POU2F2: variants seen among roughly 807,000 people sequenced by gnomAD.
POU2F2 encodes POU class 2 homeobox 2, also known as POU domain, class 2, transcription factor 2.
POU2F2 carries 14 observed loss-of-function variants against 63.5 expected under a neutral mutation model. The ratio of observed to expected loss-of-function variants is 0.22; its 90% CI spans 0.15 to 0.34. The LOEUF (loss-of-function observed/expected upper bound fraction) is 0.34, where lower values mean the gene tolerates loss of function less well. Among genes scored for constraint, POU2F2 ranks in the 10% least tolerant of loss-of-function variants. POU2F2 has a pLI of 1.00. For synonymous variants in POU2F2, 306 were observed against 348.6 expected (o/e 0.88, Z 1.36); for missense variants, 607 against 815.2 (o/e 0.74, Z 3.11).
chr19:42,143,000 C>A (rs575076058), intron 2 of POU2F2, among the ~76,000 whole-genome samples: 3 of 152,140 alleles, frequency 2.0e-5, no homozygotes, highest in Non-Finnish European at 4.4e-5. Flanking sequence ...AAGGGACACA[C>A]GGGGTGGGGC....
At chr19:42,150,943 G>A (rs1413659902) in intron 2 of POU2F2, among the ~76,000 whole-genome samples, 1 of 152,048 alleles carries the variant, frequency 6.6e-6, no homozygotes, top group Non-Finnish European at 1.5e-5. Context: ...GTCCTCTGTG[G>A]ATGCCCATCT....
chr19:42,095,687 A>G lies in POU2F2; in HGVS notation c.878T>C (p.Met293Thr). The G allele has an allele frequency of 1.2e-6, 2 of 1,611,892 alleles. No individual in the cohort carries two copies. The highest frequency in any genetic ancestry group is 1.7e-6 in the Non-Finnish European group (2 of 1,179,816). Residue 293 changes from methionine to threonine, a missense_variant, in exon 10 of 15, where the codon ATG (methionine) becomes ACG (threonine). Around this residue, in one of 7 missense-constraint regions of POU2F2, gnomAD observed 39 missense variants for 36.3 expected, o/e 1.07. Transcript: ENST00000692977. The surrounding 1 kb of genome is among the most constrained non-coding windows in gnomAD (Gnocchi z 7.1). ...GCTGGGCAGGCTTGAGTCCACAGAC[A>G]TAGTCTCTGTGCGCCGGGGGAGACG... is the stretch of plus-strand genomic sequence containing the variant. The part of the protein sequence containing the change: ...LEKWLNDAET[M>T]SVDSSLPSPN...
intron 1 of POU2F2, among the ~76,000 whole-genome samples, chr19:42,125,361 CAAA>C (rs397956774): frequency 2.1e-4 from 2 of 9,312 alleles, no homozygotes; most frequent in Non-Finnish European, 2.3e-4. Flanking sequence ...GACTCTGTCT[CAAA>C]AAAAAAAAAA....
chr19:42,112,959 C>T (rs748548340), intron 5 of POU2F2, among the ~76,000 whole-genome samples: 1 of 152,178 alleles, frequency 6.6e-6, no homozygotes, highest in Non-Finnish European at 1.5e-5. Context: ...GAAGCCCCTT[C>T]CCAGCAAACT....
chr19:42,106,609 C>T (rs2030058390), intron 5 of POU2F2, among the ~76,000 whole-genome samples: 1 of 152,062 alleles, frequency 6.6e-6, no homozygotes, highest in Non-Finnish European at 1.5e-5. Context: ...ACATGTATCC[C>T]TGAATCTAAA....
upstream of POU2F2, chr19:42,133,390 G>C (rs1365420879): frequency 1.3e-5 from 2 of 152,662 alleles, no homozygotes; most frequent in African/African-American, 4.8e-5. The surrounding 1 kb of genome is among the most constrained non-coding windows in gnomAD (Gnocchi z 5.1). Context: ...CAGGACTCCC[G>C]GCGCACCGCA....
intron 1 of POU2F2, among the ~76,000 whole-genome samples, chr19:42,164,111 T>C (rs1002270651): frequency 1.3e-5 from 2 of 152,094 alleles, no homozygotes; most frequent in Non-Finnish European, 2.9e-5. Context: ...CTGGCCAACA[T>C]GGTGAAACTC....
intron 5 of POU2F2, among the ~76,000 whole-genome samples, chr19:42,106,040 T>TTTCTTTCTTTCA (rs2146442592): frequency 6.8e-6 from 1 of 147,754 alleles, no homozygotes; most frequent in South Asian, 2.2e-4. Flanking sequence ...TCTTTCTTTC[T>TTTCTTTCTTTCA]TTCTTTCTTT....
At chr19:42,121,083 C>G (rs947078179) in intron 4 of POU2F2, among the ~76,000 whole-genome samples, 2 of 151,966 alleles carry the variant, frequency 1.3e-5, no homozygotes, top group African/African-American at 4.8e-5. Context: ...CTGGCATCCC[C>G]AAAAGAAGGA....
chr19:42,182,258 G>GAGAA (rs2067285694), intron 1 of POU2F2, among the ~76,000 whole-genome samples: 1 of 150,260 alleles, frequency 6.7e-6, no homozygotes, highest in South Asian at 2.1e-4. Context: ...GAGAGAGAGA[G>GAGAA]AGAGAGAGAG....
chr19:42,095,151 A>C lies in POU2F2; in HGVS notation c.1197+135T>G. ...CGTCCCTGTGTAACTGTGCCCATCT[A>C]CGTGATGGCCTGTCTCCAAGAGTGA... On this transcript the variant is annotated intron_variant, in intron 11 of 14. Transcript: ENST00000692977. The surrounding 1 kb of genome is among the most constrained non-coding windows in gnomAD (Gnocchi z 7.1). The C allele has an allele frequency of 2.6e-6, 3 of 1,151,916 alleles. No individual in the cohort carries two copies. Among genetic ancestry groups the C allele is most frequent in the Non-Finnish European group, 3.6e-6 (3 of 839,674 alleles). The allele number at this position is 1,151,916 out of a possible 1,614,324, so 71.4% of individuals were successfully genotyped here.
chr19:42,126,180 C>T (rs971361322), intron 1 of POU2F2, among the ~76,000 whole-genome samples: 17 of 152,184 alleles, frequency 1.1e-4, no homozygotes, highest in Admixed American at 6.5e-5. Context: ...CGCGGTGGCT[C>T]ATGCCTGTAA....
chr19:42,187,748 C>A (rs186715986), intron 1 of POU2F2, among the ~76,000 whole-genome samples: 25 of 130,666 alleles, frequency 1.9e-4, no homozygotes, highest in Admixed American at 5.4e-4. Flanking sequence ...ACCGACAGAG[C>A]GAGACTCCAT....
intron 5 of POU2F2, among the ~76,000 whole-genome samples, chr19:42,109,953 A>G (rs1249476757): frequency 6.6e-6 from 1 of 152,192 alleles, no homozygotes; most frequent in Non-Finnish European, 1.5e-5. Flanking sequence ...ATTATTTGCT[A>G]CTTAAAAATA....
intron 1 of POU2F2, among the ~76,000 whole-genome samples, chr19:42,161,329 C>A (rs1284228168): frequency 3.3e-5 from 5 of 152,096 alleles, no homozygotes; most frequent in Non-Finnish European, 5.9e-5. Flanking sequence ...GCGTCAAGTG[C>A]CTGGTCCAAG....
chr19:42,128,936 G>A (rs192257291), intron 1 of POU2F2, among the ~76,000 whole-genome samples: 2 of 151,938 alleles, frequency 1.3e-5, no homozygotes, highest in East Asian at 1.9e-4. Context: ...GGGTTCAAGC[G>A]ATTCTCCTGC....
intron 1 of POU2F2, among the ~76,000 whole-genome samples, chr19:42,183,946 TG>T (rs2034988568): frequency 6.6e-6 from 1 of 151,224 alleles, no homozygotes; most frequent in African/African-American, 2.4e-5. Context: ...AAAACCCACC[TG>T]CACCTGAAAA....
intron 5 of POU2F2, among the ~76,000 whole-genome samples, chr19:42,116,150 C>T (rs1171792331): frequency 1.3e-5 from 2 of 152,140 alleles, no homozygotes; most frequent in East Asian, 1.9e-4. Flanking sequence ...TATTATGTTA[C>T]GGCAGCCCTA....
chr19:42,160,165 T>C (rs2034527286), intron 2 of POU2F2, among the ~76,000 whole-genome samples: 1 of 151,754 alleles, frequency 6.6e-6, no homozygotes, highest in Non-Finnish European at 1.5e-5. Flanking sequence ...ACAGGATGCA[T>C]GGAGGGTGAG....
Sources: allele counts gnomAD v4.1 joint callset (sites outside exome capture counted in the v4.1 genomes callset), GRCh38; gene constraint gnomAD v4.1.1; regional missense constraint gnomAD v4.1.1; non-coding constraint Gnocchi (gnomAD v3.1); transcripts MANE v1.5; gene names NCBI Gene and HGNC (gene_info 2026-07-23, HGNC 2026-07-21).